CYP7B1: variants seen among roughly 807,000 people sequenced by gnomAD.
The protein encoded by CYP7B1 is cytochrome P450 7B1.
CYP7B1 carries 29 observed loss-of-function variants against 42.7 expected under a neutral mutation model. The ratio of observed to expected loss-of-function variants is 0.68; its 90% confidence interval spans 0.51 to 0.93. The LOEUF (loss-of-function observed/expected upper bound fraction) is 0.93. Among genes scored for constraint, CYP7B1 ranks in the 40% least tolerant of loss-of-function variants. The probability of loss-of-function intolerance (pLI) is 0.00; values close to 1 mark genes in which losing one functional copy is unlikely to be tolerated. For synonymous variants in CYP7B1, 235 were observed against 218.2 expected, an observed-to-expected ratio of 1.08 and a Z score of -0.68; for missense variants, 655 against 600.5, an observed-to-expected ratio of 1.09 and a Z score of -0.95.
chr8:64,735,254 C>T (rs538913356), intron 1 of CYP7B1, among the ~76,000 whole-genome samples: 3 of 152,200 alleles, frequency 2.0e-5, no homozygotes, highest in East Asian at 1.9e-4. Context: ...CAAAATATGT[C>T]GCTTTGGCAT....
intron 1 of CYP7B1, among the ~76,000 whole-genome samples, chr8:64,676,117 C>A (rs1585848341): frequency 6.6e-6 from 1 of 152,054 alleles, no homozygotes; most frequent in African/African-American, 2.4e-5. Flanking sequence ...GTATCCCAAC[C>A]CATATCTTAC....
intron 1 of CYP7B1, among the ~76,000 whole-genome samples, chr8:64,740,065 A>T (rs1807546209): frequency 6.6e-6 from 1 of 152,150 alleles, no homozygotes; most frequent in African/African-American, 2.4e-5. Flanking sequence ...TAAACAAAAC[A>T]AAACATGGAT....
chr8:64,659,360 T>A (rs935509468), intron 1 of CYP7B1, among the ~76,000 whole-genome samples: 13 of 152,338 alleles, frequency 8.5e-5, no homozygotes, highest in Non-Finnish European at 1.5e-4. Context: ...TGTCTTTGCA[T>A]ACCAGTAAAT....
At chr8:64,634,093 C>A (rs1023682911) in intron 1 of CYP7B1, among the ~76,000 whole-genome samples, 1 of 152,162 alleles carries the variant, frequency 6.6e-6, no homozygotes, top group Non-Finnish European at 1.5e-5. Flanking sequence ...TTGATTTGCA[C>A]ATGACATAAA....
intron 1 of CYP7B1, among the ~76,000 whole-genome samples, chr8:64,707,671 A>G (rs1275535682): frequency 6.6e-6 from 1 of 151,790 alleles, no homozygotes; most frequent in East Asian, 1.9e-4. Flanking sequence ...TCATCCAAAC[A>G]TTTACATTTT....
chr8:64,589,737 T>A (rs1300377885), downstream of CYP7B1: 1 of 152,226 alleles, frequency 6.6e-6, no homozygotes, highest in Non-Finnish European at 1.5e-5. Flanking sequence ...CCAACTAATA[T>A]GTTTCATATT....
At chr8:64,696,999 T>C (rs1009218431) in intron 1 of CYP7B1, among the ~76,000 whole-genome samples, 1 of 152,184 alleles carries the variant, frequency 6.6e-6, no homozygotes, top group African/African-American at 2.4e-5. Flanking sequence ...TGGCAAATGC[T>C]ACAAACACAA....
At chr8:64,688,992 G>A (rs1014087046) in intron 1 of CYP7B1, among the ~76,000 whole-genome samples, 2 of 152,106 alleles carry the variant, frequency 1.3e-5, no homozygotes. Context: ...TGAGGCGTCT[G>A]CCATTAAGTT....
At chr8:64,673,415 T>C (rs1806396225) in intron 1 of CYP7B1, among the ~76,000 whole-genome samples, 1 of 152,120 alleles carries the variant, frequency 6.6e-6, no homozygotes, top group Non-Finnish European at 1.5e-5. Context: ...GTGAACAAGA[T>C]AATAGGTTTC....
chr8:64,610,910 C>T (rs908873488), intron 4 of CYP7B1, among the ~76,000 whole-genome samples: 2 of 152,078 alleles, frequency 1.3e-5, no homozygotes, highest in African/African-American at 4.8e-5. Context: ...CATTTCTGAA[C>T]CTCATTATTC....
At position 64,704,198 on chromosome 8, in the gene CYP7B1, C is replaced by T. The variant is rs374154932; in HGVS notation, c.123-79659G>A. Among the ~76,000 whole-genome samples, 121 of 152,120 alleles carry T rather than the reference C, an allele frequency of 8.0e-4. No individual in the cohort carries two copies. The South Asian group carries it at 0.013, about 17-fold the overall frequency. On this transcript the variant is annotated intron_variant, in intron 1 of 5. Coordinates refer to ENST00000310193, the MANE Select transcript of CYP7B1 (RefSeq NM_004820.5). ...TTTTTTTAACTTCCTCAGATCATGA[C>T]ATTAAATAGCTTGTCTATTTTACCC...
intron 1 of CYP7B1, among the ~76,000 whole-genome samples, chr8:64,664,079 G>A (rs1459758517): frequency 2.0e-5 from 3 of 152,154 alleles, no homozygotes; most frequent in Admixed American, 6.5e-5. Flanking sequence ...ATGCAGGCCA[G>A]GGAAGGAAAG....
In CYP7B1 at chr8:64,680,725, T is replaced by G. The variant is rs573087684; in HGVS notation, c.123-56186A>C. ...AAAGGATTCAGCTGATCCTGATGAT[T>G]ATATGCTTTCACTTCTTCTGACTTT... On this transcript the variant is annotated intron_variant, in intron 1 of 5. Transcript: ENST00000310193. Among the ~76,000 whole-genome samples, 9 of 152,338 alleles carry G rather than the reference T, an allele frequency of 5.9e-5. No individual in the cohort carries two copies. In the East Asian group the frequency reaches 1.5e-3, roughly 26 times the overall value.
At chr8:64,746,213 T>G (rs190453381) in intron 1 of CYP7B1, among the ~76,000 whole-genome samples, 1 of 152,302 alleles carries the variant, frequency 6.6e-6, no homozygotes, top group East Asian at 1.9e-4. Context: ...GTATGGGTAG[T>G]AATTCTGCAA....
intron 1 of CYP7B1, among the ~76,000 whole-genome samples, chr8:64,711,391 C>T (rs1223581496): frequency 6.6e-6 from 1 of 152,180 alleles, no homozygotes; most frequent in Non-Finnish European, 1.5e-5. Context: ...CCAGTCACTG[C>T]AGAGAAGCCC....
chr8:64,741,003 A>G (rs1159595408), intron 1 of CYP7B1, among the ~76,000 whole-genome samples: 1 of 152,088 alleles, frequency 6.6e-6, no homozygotes, highest in Non-Finnish European at 1.5e-5. Context: ...GCATCACTCT[A>G]ATAGCAAAAC....
At chr8:64,634,051 T>C (rs915212504) in intron 1 of CYP7B1, among the ~76,000 whole-genome samples, 1 of 152,232 alleles carries the variant, frequency 6.6e-6, no homozygotes, top group African/African-American at 2.4e-5. Context: ...TCTCAGGTGG[T>C]GAGATTACAA....
intron 1 of CYP7B1, among the ~76,000 whole-genome samples, chr8:64,627,333 G>A (rs2129630501): frequency 6.6e-6 from 1 of 152,324 alleles, no homozygotes; most frequent in East Asian, 1.9e-4. Context: ...GACCACGCAT[G>A]TAACTGTAGA....
chr8:64,736,696 G>A (rs532657788), intron 1 of CYP7B1, among the ~76,000 whole-genome samples: 18 of 152,078 alleles, frequency 1.2e-4, no homozygotes, highest in East Asian at 5.8e-4. Context: ...TGATCCTCCC[G>A]CCTCAGCCTC....
Sources: allele counts gnomAD v4.1 joint callset (sites outside exome capture counted in the v4.1 genomes callset), GRCh38; gene constraint gnomAD v4.1.1; transcripts MANE v1.5; gene names NCBI Gene and HGNC (gene_info 2026-07-23, HGNC 2026-07-21).